Variants in TENM3 observed in about 807,000 individuals in gnomAD.
TENM3 encodes teneurin transmembrane protein 3.
TENM3 carries 63 observed loss-of-function variants against 255.1 expected under a neutral mutation model. The observed-to-expected ratio is 0.25, with a 90% CI of 0.20 to 0.30. The LOEUF (loss-of-function observed/expected upper bound fraction) is 0.30, where lower values mean the gene tolerates loss of function less well. TENM3 is among the 10% of genes least tolerant of loss of function. The pLI, the probability that TENM3 is intolerant of heterozygous loss-of-function variation, is 1.00. For missense variants in TENM3, 2,929 were observed against 3,461.1 expected (o/e 0.85, Z 3.86); for synonymous variants, 1,306 against 1,322.3 (o/e 0.99, Z 0.27).
chr4:182,048,812 G>T, the TENM3 span, among the ~76,000 whole-genome samples: 1 of 152,136 alleles, frequency 6.6e-6, no homozygotes, highest in African/African-American at 2.4e-5. Context: ...CTGCCTGCCT[G>T]TTGCAACACA....
chr4:182,744,362 G>T (rs1197054844), intron 19 of TENM3, among the ~76,000 whole-genome samples: 1 of 151,934 alleles, frequency 6.6e-6, no homozygotes, highest in Non-Finnish European at 1.5e-5. Context: ...GATATAATTT[G>T]AGAAATCTTT....
At chr4:182,299,994 C>T (rs1054374701) in intron 1 of TENM3, among the ~76,000 whole-genome samples, 2 of 151,476 alleles carry the variant, frequency 1.3e-5, no homozygotes, top group South Asian at 4.2e-4. Flanking sequence ...TGGCTTAATG[C>T]GGCCTCTGCC....
intron 24 of TENM3, among the ~76,000 whole-genome samples, chr4:182,785,301 A>G (rs1579502088): frequency 6.6e-6 from 1 of 151,796 alleles, no homozygotes; most frequent in African/African-American, 2.4e-5. Flanking sequence ...CAAACTGCTG[A>G]CCTTAAGTGA....
the TENM3 span, among the ~76,000 whole-genome samples, chr4:181,604,429 A>G: frequency 3.3e-5 from 5 of 152,212 alleles, no homozygotes; most frequent in African/African-American, 1.2e-4. Flanking sequence ...ACCCTTCAAA[A>G]TACAAATGAT....
chr4:182,545,744 G>A (rs1477660862), intron 3 of TENM3, among the ~76,000 whole-genome samples: 14 of 151,952 alleles, frequency 9.2e-5, no homozygotes, highest in Admixed American at 9.2e-4. Context: ...TAGCTCCACA[G>A]AAAAACCTTC....
At chr4:181,632,365 A>C in the TENM3 span, among the ~76,000 whole-genome samples, 1 of 152,194 alleles carries the variant, frequency 6.6e-6, no homozygotes, top group Non-Finnish European at 1.5e-5. Context: ...TTGGGGGATT[A>C]AAATTCCAGA....
the TENM3 span, among the ~76,000 whole-genome samples, chr4:181,911,046 T>C: frequency 6.6e-6 from 1 of 152,238 alleles, no homozygotes; most frequent in African/African-American, 2.4e-5. Flanking sequence ...TATGTAAATT[T>C]ATTTGTAGCT....
At chr4:182,643,905 A>G (rs895286748) in intron 5 of TENM3, among the ~76,000 whole-genome samples, 9 of 152,180 alleles carry the variant, frequency 5.9e-5, no homozygotes, top group Admixed American at 2.0e-4. Context: ...CATTTTCAGC[A>G]TGGTATTTTT....
At chr4:181,454,494 G>T in the TENM3 span, among the ~76,000 whole-genome samples, 1 of 151,964 alleles carries the variant, frequency 6.6e-6, no homozygotes. Flanking sequence ...TAGTGTGTAG[G>T]CATGTCCTAA....
At chr4:182,051,511 G>T in the TENM3 span, among the ~76,000 whole-genome samples, 1 of 151,432 alleles carries the variant, frequency 6.6e-6, no homozygotes, top group African/African-American at 2.4e-5. Context: ...CCAAGTAGCT[G>T]GGACTACAGG....
the TENM3 span, among the ~76,000 whole-genome samples, chr4:181,914,159 T>G: frequency 6.6e-5 from 10 of 152,242 alleles, no homozygotes; most frequent in Non-Finnish European, 1.5e-5. Flanking sequence ...TCCCATTGCC[T>G]GAAGACTTCA....
intron 1 of TENM3, among the ~76,000 whole-genome samples, chr4:182,191,370 C>G (rs1175930383): frequency 3.3e-5 from 5 of 152,146 alleles, no homozygotes; most frequent in African/African-American, 1.2e-4. Context: ...TTCTCCGGCT[C>G]TCTCCTCTGC....
chr4:182,508,277 T>C (rs1234608265), intron 3 of TENM3, among the ~76,000 whole-genome samples: 1 of 152,202 alleles, frequency 6.6e-6, no homozygotes, highest in African/African-American at 2.4e-5. Flanking sequence ...CAGTTATAAA[T>C]ATTGTGTAGG....
At chr4:181,968,954 C>T in the TENM3 span, among the ~76,000 whole-genome samples, 6 of 147,062 alleles carry the variant, frequency 4.1e-5, no homozygotes, top group East Asian at 1.0e-3. Flanking sequence ...AACTAGAATA[C>T]CTCTCTTGTC....
At chr4:181,807,938 A>G in the TENM3 span, among the ~76,000 whole-genome samples, 1 of 152,164 alleles carries the variant, frequency 6.6e-6, no homozygotes, top group Non-Finnish European at 1.5e-5. Context: ...ACAAGGATGT[A>G]TTTGTGGCTA....
the TENM3 span, among the ~76,000 whole-genome samples, chr4:181,846,568 A>G: frequency 6.6e-6 from 1 of 152,252 alleles, no homozygotes; most frequent in Non-Finnish European, 1.5e-5. Flanking sequence ...TTATTAAGAG[A>G]TAAACAATTG....
chr4:181,974,219 G>C, the TENM3 span, among the ~76,000 whole-genome samples: 11 of 152,228 alleles, frequency 7.2e-5, no homozygotes, highest in Non-Finnish European at 1.2e-4. Flanking sequence ...GCTATGAGCT[G>C]TGTTCTCATG....
the TENM3 span, among the ~76,000 whole-genome samples, chr4:182,135,228 A>T: frequency 6.6e-6 from 1 of 151,604 alleles, no homozygotes; most frequent in Non-Finnish European, 1.5e-5. Context: ...AAAAAAAAAA[A>T]AAAATTCCAA....
At chr4:181,564,296 G>A in the TENM3 span, among the ~76,000 whole-genome samples, 1 of 152,050 alleles carries the variant, frequency 6.6e-6, no homozygotes, top group Non-Finnish European at 1.5e-5. Context: ...TAGTATTAGC[G>A]ACACACATAT....
Sources: gnomAD v4.1 joint callset for allele counts (sites outside exome capture counted in the v4.1 genomes callset) on GRCh38, gnomAD v4.1.1 for gene constraint, MANE v1.5 for transcripts, NCBI Gene and HGNC (gene_info 2026-07-23, HGNC 2026-07-21) for gene names.